IFT140: variants seen among roughly 807,000 people sequenced by gnomAD.
The protein encoded by IFT140 is intraflagellar transport 140, also known as intraflagellar transport protein 140 homolog.
In IFT140, 133 loss-of-function variants were observed where a neutral mutation model predicts 164.6. The observed-to-expected ratio is 0.81, with a 90% confidence interval of 0.70 to 0.93. The LOEUF (loss-of-function observed/expected upper bound fraction) is 0.93. Among genes scored for constraint, IFT140 ranks in the 40% least tolerant of loss-of-function variants. IFT140 has a pLI of 0.00. For missense variants in IFT140, 2,045 were observed against 1,972.3 expected (o/e 1.04, Z -0.70); for synonymous variants, 860 against 817.3 (o/e 1.05, Z -0.89).
rs1009281178 is a variant in IFT140, at chr16:1,592,706, T to C, written c.370-118A>G. ...ACAGGTGTCCCGGCAGAGCGACTGG[T>C]GGAGGGACAGGTGTCCCGGCAGAGT... On this transcript the variant is annotated intron_variant, in intron 4 of 30. Transcript: ENST00000426508. 1.1e-5 allele frequency: 16 copies of C among 1,454,400 alleles called. No individual in the cohort carries two copies. In the African/African-American group the frequency reaches 2.3e-4, roughly 21 times the overall value. The allele number at this position is 1,454,400 out of a possible 1,614,324, so 90.1% of individuals were successfully genotyped here. A position where few individuals can be genotyped will look rare whatever the true frequency, so the allele number is the denominator to read the frequency against.
intron 18 of IFT140, among the ~76,000 whole-genome samples, chr16:1,560,145 A>G (rs2033324896): frequency 6.6e-6 from 1 of 152,248 alleles, no homozygotes; most frequent in Non-Finnish European, 1.5e-5. Context: ...AGGAACGCCA[A>G]TCTGGTGACA....
chr16:1,517,746 T>C (rs2040406198), intron 30 of IFT140, among the ~76,000 whole-genome samples: 1 of 152,226 alleles, frequency 6.6e-6, no homozygotes, highest in Non-Finnish European at 1.5e-5. Context: ...CATGCAGACA[T>C]TTCTTCACAA....
At chr16:1,585,190 G>C (rs1322309131) in intron 10 of IFT140, among the ~76,000 whole-genome samples, 3 of 152,230 alleles carry the variant, frequency 2.0e-5, no homozygotes, top group Non-Finnish European at 4.4e-5. Flanking sequence ...CTGATGAATG[G>C]AGAAAGAAAA....
At chr16:1,547,118 C>G (rs1251915294) in intron 19 of IFT140, among the ~76,000 whole-genome samples, 1 of 152,220 alleles carries the variant, frequency 6.6e-6, no homozygotes, top group Non-Finnish European at 1.5e-5. Flanking sequence ...TTCCTTGAAA[C>G]AGTCCCTCTT....
chr16:1,587,881 C>G (rs938107637), intron 8 of IFT140, 52 bp downstream of exon 8: 16 of 1,400,420 alleles, frequency 1.1e-5, no homozygotes, highest in Middle Eastern at 1.8e-4. Context: ...CTTAGAGGAG[C>G]CTGTTCCTCA....
chr16:1,588,126 C>T (rs2034990156), intron 7 of IFT140, 102 bp from the exon 8 acceptor site: 3 of 857,508 alleles, frequency 3.5e-6, no homozygotes, highest in Non-Finnish European at 5.6e-6. Flanking sequence ...TTCATGGAGA[C>T]TCACCAAGTG....
chr16:1,560,561 G>C (rs2033348843), intron 18 of IFT140, among the ~76,000 whole-genome samples: 1 of 152,284 alleles, frequency 6.6e-6, no homozygotes, highest in African/African-American at 2.4e-5. Context: ...GGTGTGTGTG[G>C]AGCCGGTGCG....
intron 3 of IFT140, among the ~76,000 whole-genome samples, chr16:1,603,623 T>C (rs906561174): frequency 2.0e-5 from 3 of 152,152 alleles, no homozygotes; most frequent in African/African-American, 7.2e-5. Context: ...TAGCTGAGAC[T>C]ACAGGCGCGC....
intron 14 of IFT140, among the ~76,000 whole-genome samples, chr16:1,570,073 T>A (rs1247132262): frequency 6.6e-6 from 1 of 152,146 alleles, no homozygotes; most frequent in African/African-American, 2.4e-5. Flanking sequence ...TTGCTTTGTT[T>A]TTAGCACTTC....
intron 13 of IFT140, among the ~76,000 whole-genome samples, chr16:1,576,286 T>TA (rs35262072): frequency 0.19 from 21,387 of 115,268 alleles, 2,253 homozygotes; most frequent in African/African-American, 0.3. Context: ...ACTCTGTCTT[T>TA]AAAAAAAAAA....
intron 19 of IFT140, chr16:1,541,578 C>A (rs1169223648): frequency 1.2e-6 from 1 of 854,270 alleles, no homozygotes; most frequent in African/African-American, 1.8e-5. Flanking sequence ...CCCACCTCCA[C>A]CCCCACGCCA....
At chr16:1,589,247 A>G (rs2035052580) in intron 7 of IFT140, among the ~76,000 whole-genome samples, 2 of 152,164 alleles carry the variant, frequency 1.3e-5, no homozygotes, top group Admixed American at 1.3e-4. Flanking sequence ...AGACGGGGAT[A>G]CGGTCGCCTG....
At chr16:1,577,630 G>A (rs948081633) in intron 13 of IFT140, 7 of 152,184 alleles carry the variant, frequency 4.6e-5, no homozygotes, top group African/African-American at 1.7e-4. Context: ...GAGGCAGGTG[G>A]ATCACCTGAG....
At chr16:1,536,884 C>A (rs573275493) in intron 19 of IFT140, among the ~76,000 whole-genome samples, 1 of 152,234 alleles carries the variant, frequency 6.6e-6, no homozygotes, top group Non-Finnish European at 1.5e-5. Flanking sequence ...TGTCCCCAAT[C>A]GGGTGAGGGG....
chr16:1,516,817 G>A (rs568818406), intron 30 of IFT140, among the ~76,000 whole-genome samples: 85 of 149,810 alleles, frequency 5.7e-4, no homozygotes, highest in African/African-American at 2.0e-3. Flanking sequence ...CAGGAAAAAA[G>A]GTTTAAAGTA....
chr16:1,534,525 G>T, intron 19 of IFT140: 1 of 1,606,320 alleles, frequency 6.2e-7, no homozygotes, highest in Non-Finnish European at 8.5e-7. Context: ...CGAGGCAGCC[G>T]GCTTCCAGGA....
At position 1,533,924 on chromosome 16, in the gene IFT140, A is replaced by C; in HGVS notation, c.2400-7128T>G. The C allele has an allele frequency of 3.0e-6, 1 of 334,562 alleles. No homozygotes were observed. Among genetic ancestry groups the C allele is most frequent in the South Asian group, 3.4e-5 (1 of 29,014 alleles). The allele number at this position is 334,562 out of a possible 1,614,324, so 20.7% of individuals were successfully genotyped here. A position where few individuals can be genotyped will look rare whatever the true frequency, so the allele number is the denominator to read the frequency against. ...GGCCTCCCGAGTGACTCTGTTTTCC[A>C]CTGCTGCAGGCGAGAAGAGGCACGC... On this transcript the variant is annotated intron_variant, in intron 19 of 30. Coordinates refer to ENST00000426508, the MANE Select transcript of IFT140 (RefSeq NM_014714.4). This position sits in a 1 kb window ranked among gnomAD's most constrained non-coding sequence, Gnocchi z 4.7.
intron 11 of IFT140, 143 bp downstream of exon 11, chr16:1,584,074 A>G (rs2141814401): frequency 1.5e-6 from 1 of 664,072 alleles, no homozygotes; most frequent in Non-Finnish European, 2.6e-6. Flanking sequence ...TATAATGTAC[A>G]TGGATATCCA....
chr16:1,561,957 C>T (rs1449975650), intron 18 of IFT140, 28 bp downstream of exon 18: 1 of 1,560,638 alleles, frequency 6.4e-7, no homozygotes, highest in East Asian at 2.3e-5. Context: ...GATCAGAAGA[C>T]ACCTGTGCGG....
Sources: gnomAD v4.1 joint callset for allele counts (sites outside exome capture counted in the v4.1 genomes callset) on GRCh38, gnomAD v4.1.1 for gene constraint, Gnocchi (gnomAD v3.1) non-coding constraint, MANE v1.5 for transcripts, NCBI Gene and HGNC (gene_info 2026-07-23, HGNC 2026-07-21) for gene names.